Variants in KMT2B observed in about 807,000 individuals in gnomAD.
KMT2B encodes lysine methyltransferase 2B, also known as histone-lysine N-methyltransferase 2B.
KMT2B carries 22 observed loss-of-function variants against 255.3 expected under a neutral mutation model. The ratio of observed to expected loss-of-function variants is 0.09; its 90% CI spans 0.06 to 0.12. The LOEUF is 0.12. Among genes scored for constraint, KMT2B ranks in the 10% least tolerant of loss-of-function variants. The pLI, the probability that KMT2B is intolerant of heterozygous loss-of-function variation, is 1.00. For synonymous variants in KMT2B, 1,730 were observed against 1,498.1 expected (o/e 1.15, Z -3.57); for missense variants, 3,149 against 3,737.0 (o/e 0.84, Z 4.10).
At position 35,719,863 on chromosome 19, in the gene KMT2B, C is replaced by T. The variant is rs757174972; in HGVS notation, c.516C>T (p.Thr172=). 3 of 1,613,134 alleles carry T rather than the reference C, an allele frequency of 1.9e-6. No individual in the cohort carries two copies. The highest frequency in any genetic ancestry group is 1.1e-5 in the South Asian group (1 of 91,080). ...PPPRLADVAP[T]PPKTPARKRG... ...CTCGCCTAGCAGATGTGGCTCCTAC[C>T]CCCCCAAAGACCCCTGCCCGGAAAC... Residue 172 remains threonine, a synonymous_variant, in exon 3 of 37, where the codon ACC becomes ACT. Coordinates refer to ENST00000420124, the MANE Select transcript of KMT2B (RefSeq NM_014727.3).
In KMT2B at chr19:35,720,719, C is replaced by A; in HGVS notation, c.1372C>A (p.Pro458Thr). The change falls in exon 3 of 37, where the codon CCT becomes ACT. Residue 458 changes from proline to threonine, a missense_variant. Pro to Thr is a conservative substitution (Grantham distance 38, BLOSUM62 -1). This residue lies in a region of KMT2B where 1,188 missense variants were observed against 1,106.4 expected (regional missense o/e 1.07). Coordinates refer to ENST00000420124, the MANE Select transcript of KMT2B (RefSeq NM_014727.3). ...PAQEEQEESP[P>T]PVVPATCSRK... The stretch of plus-strand genomic sequence containing the variant: ...CCAAGAGGAGCAGGAGGAATCCCCT[C>A]CTCCTGTGGTCCCAGCTACGTGCTC... 6.8e-7 allele frequency: 1 copy of A among 1,476,490 alleles called. No individual in the cohort carries two copies. 91.5% of individuals were successfully genotyped at this position (1,476,490 alleles called of 1,614,324 possible). A position where few individuals can be genotyped will look rare whatever the true frequency, so the allele number is the denominator to read the frequency against.
rs1970016666 is a variant in KMT2B at position 35,738,658 on chromosome 19, C to A, written c.*101C>A. ...CCTAGCCCCTCCCAGAGCATCTCAC[C>A]CCCACCCTCATGTTCAGGGTGGATG... On this transcript the variant is annotated 3_prime_UTR_variant, in exon 37 of 37. Transcript: ENST00000420124. This position sits in a 1 kb window ranked among gnomAD's most constrained non-coding sequence, Gnocchi z 8.7. The A allele has an allele frequency of 7.6e-7, 1 of 1,324,050 alleles. No individual in the cohort carries two copies. The highest frequency in any genetic ancestry group is 1.5e-5 in the African/African-American group (1 of 68,452). The allele number at this position is 1,324,050 out of a possible 1,614,324, so 82.0% of individuals were successfully genotyped here. A position where few individuals can be genotyped will look rare whatever the true frequency, so the allele number is the denominator to read the frequency against.
intron 23 of KMT2B, 45 bp downstream of exon 23, chr19:35,730,170 T>C: frequency 6.2e-6 from 10 of 1,610,944 alleles, no homozygotes; most frequent in Non-Finnish European, 8.5e-6. Context: ...CCACCTCTCT[T>C]CCTGTTCACT....
In KMT2B at chr19:35,727,746, G is replaced by T. The variant is rs747275218; in HGVS notation, c.4351G>T (p.Ala1451Ser). 2 of 1,613,874 alleles carry T rather than the reference G, an allele frequency of 1.2e-6. No individual in the cohort carries two copies. The highest frequency in any genetic ancestry group is 1.7e-6 in the Non-Finnish European group (2 of 1,179,892). Residue 1451 changes from alanine to serine, a missense_variant, in exon 17 of 37, where the codon GCT (alanine) becomes TCT (serine). Coordinates refer to ENST00000420124, the MANE Select transcript of KMT2B (RefSeq NM_014727.3). The surrounding 1 kb of genome is among the most constrained non-coding windows in gnomAD (Gnocchi z 4.2). ...QLHPGPCGLQ[A>S]VSQRFEDGHY... is the part of the protein sequence containing the mutation. ...GCACCCAGGACCCTGCGGCCTGCAAGCTGTGAGTCAGCGCTTCGAGGATGG... is the reference window on the plus strand; with the variant it reads ...GCACCCAGGACCCTGCGGCCTGCAATCTGTGAGTCAGCGCTTCGAGGATGG...
In KMT2B at chr19:35,719,457, C is replaced by T; in HGVS notation, c.364-12C>T. On this transcript the variant is annotated splice_polypyrimidine_tract_variant and intron_variant, in intron 1 of 36. Coordinates refer to ENST00000420124, the MANE Select transcript of KMT2B (RefSeq NM_014727.3). Reference sequence around the variant, plus strand: ...TGCTGTTTCTCCCCTCCACCCCGGTCCCCTAAATCAGGAGTTTCAGGGTTT... The same window carrying T: ...TGCTGTTTCTCCCCTCCACCCCGGTTCCCTAAATCAGGAGTTTCAGGGTTT... 1 of 1,570,154 alleles carries T rather than the reference C, an allele frequency of 6.4e-7. No individual in the cohort carries two copies. Among genetic ancestry groups the T allele is most frequent in the Non-Finnish European group, 8.6e-7 (1 of 1,156,810 alleles).
chr19:35,737,680 G>A lies in KMT2B; in HGVS notation c.7595G>A (p.Arg2532Gln). 6.3e-7 allele frequency: 1 copy of A among 1,579,186 alleles called. No individual in the cohort carries two copies. The highest frequency in any genetic ancestry group is 1.8e-5 in the Admixed American group (1 of 54,736). The change falls in exon 34 of 37, where the codon CGG becomes CAG. Residue 2532 changes from arginine (R) to glutamine (Q), a missense_variant. By Grantham distance (43) the Arg-to-Gln change is conservative (BLOSUM62 1). This residue lies in a region of KMT2B where 103 missense variants were observed against 200.7 expected (regional missense o/e 0.51). Transcript: ENST00000420124. This position sits in a 1 kb window ranked among gnomAD's most constrained non-coding sequence, Gnocchi z 5.3. ...TTCAACTTCCTGGCCTCCCAGCACCGGGTGCTCCCTGAGGGGGCCACCTGT... is the reference window on the plus strand; with the variant it reads ...TTCAACTTCCTGGCCTCCCAGCACCAGGTGCTCCCTGAGGGGGCCACCTGT... ...DMFNFLASQH[R>Q]VLPEGATCDE... is the part of the protein sequence containing the mutation.
Position 35,736,893 on chromosome 19 carries a change from G to A in KMT2B, c.7298-19G>A. Reference sequence around the variant, plus strand: ...TAAAACACCATCCTGACTCAGCTCTGGCTCTGCTGTCTCCCCAGGGGCGTG... The same window carrying A: ...TAAAACACCATCCTGACTCAGCTCTAGCTCTGCTGTCTCCCCAGGGGCGTG... On this transcript the variant is annotated intron_variant, in intron 31 of 36. Transcript: ENST00000420124. 1 of 1,613,936 alleles carries A rather than the reference G, an allele frequency of 6.2e-7. No homozygotes were observed. The highest frequency in any genetic ancestry group is 8.5e-7 in the Non-Finnish European group (1 of 1,179,872).
Position 35,723,799 on chromosome 19 carries a change from T to C in KMT2B, c.3126T>C (p.Pro1042=). The change falls in exon 8 of 37, where the codon CCT becomes CCC. Residue 1042 remains proline, a synonymous_variant. Transcript: ENST00000420124. The surrounding 1 kb of genome is among the most constrained non-coding windows in gnomAD (Gnocchi z 7.5). The stretch of plus-strand genomic sequence containing the variant: ...AATCTCCTGAGGCCTCCCCTGGTCC[T>C]CCAGGCCCACGCCGGGGGGCGGGAG... ...SDESPEASPG[P]PGPRRGAGAG... The C allele has an allele frequency of 6.3e-7, 1 of 1,592,698 alleles. No homozygotes were observed. The highest frequency in any genetic ancestry group is 8.6e-7 in the Non-Finnish European group (1 of 1,168,640).
In KMT2B at chr19:35,728,792, G is replaced by C; in HGVS notation, c.4590G>C (p.Ala1530=). 1 of 1,613,848 alleles carries C rather than the reference G, an allele frequency of 6.2e-7. No individual in the cohort carries two copies. Among genetic ancestry groups the C allele is most frequent in the Non-Finnish European group, 8.5e-7 (1 of 1,179,814 alleles). The stretch of plus-strand genomic sequence containing the variant: ...TCCACAGCGGAGTCCTTCCCAATGC[G>C]GTGTTGCCCCCATCCCTGGATCATG... ...TRLPNGVLPN[A]VLPPSLDHVY... Residue 1530 remains alanine, a synonymous_variant, in exon 20 of 37, where the codon GCG becomes GCC. Transcript: ENST00000420124.
chr19:35,723,191 A>C lies in KMT2B; in HGVS notation c.2919A>C (p.Leu973=), dbSNP rs749800156. ...GATGTGGACACTGTCGGGGCTGCCTACGTGTGCAGGACTGTGGGTCCTGTG... is the reference window on the plus strand; with the variant it reads ...GATGTGGACACTGTCGGGGCTGCCTCCGTGTGCAGGACTGTGGGTCCTGTG... ...MARCGHCRGC[L]RVQDCGSCVN... is the part of the protein sequence containing the mutation. Residue 973 remains leucine, a synonymous_variant, in exon 6 of 37, where the codon CTA becomes CTC. Transcript: ENST00000420124. The surrounding 1 kb of genome is among the most constrained non-coding windows in gnomAD (Gnocchi z 7.5). 1.2e-6 allele frequency: 2 copies of C among 1,613,218 alleles called. No homozygotes were observed. Among genetic ancestry groups the C allele is most frequent in the Non-Finnish European group, 1.7e-6 (2 of 1,179,858 alleles).
In KMT2B at chr19:35,725,588, T is replaced by C; in HGVS notation, c.3752T>C (p.Phe1251Ser). The C allele has an allele frequency of 6.2e-7, 1 of 1,610,338 alleles. No individual in the cohort carries two copies. Among genetic ancestry groups the C allele is most frequent in the Non-Finnish European group, 8.5e-7 (1 of 1,179,864 alleles). ...HDTWCCRRCK[F>S]CHVCGRKGRG... ...ACCTGGTGCTGCCGTCGCTGCAAAT[T>C]CTGCCACGTCTGTGGACGCAAAGGT... The change falls in exon 12 of 37, where the codon TTC becomes TCC. Residue 1251 changes from phenylalanine to serine, a missense_variant. Around this residue, in one of 18 missense-constraint regions of KMT2B, gnomAD observed 377 missense variants for 471.0 expected, o/e 0.80. Transcript: ENST00000420124. This position sits in a 1 kb window ranked among gnomAD's most constrained non-coding sequence, Gnocchi z 4.1.
chr19:35,727,349 T>C lies in KMT2B; in HGVS notation c.4117+80T>C. ...CCACCACAGGCCCCAAGAGGACTGG[T>C]GGGCTAAGGGTCCTTGCTGGCCTAG... On this transcript the variant is annotated intron_variant, in intron 15 of 36. Coordinates refer to ENST00000420124, the MANE Select transcript of KMT2B (RefSeq NM_014727.3). The surrounding 1 kb of genome is among the most constrained non-coding windows in gnomAD (Gnocchi z 4.2). 6.3e-7 allele frequency: 1 copy of C among 1,576,036 alleles called. No individual in the cohort carries two copies. Among genetic ancestry groups the C allele is most frequent in the Non-Finnish European group, 8.7e-7 (1 of 1,146,238 alleles).
Position 35,719,539 on chromosome 19 carries a change from G to C in KMT2B, c.434G>C (p.Arg145Pro), listed in dbSNP as rs868239007. 1 of 1,587,372 alleles carries C rather than the reference G, an allele frequency of 6.3e-7. No homozygotes were observed. Among genetic ancestry groups the C allele is most frequent in the Non-Finnish European group, 8.6e-7 (1 of 1,166,832 alleles). Residue 145 changes from arginine to proline, a missense_variant and splice_region_variant, in exon 2 of 37, where the codon CGA (arginine) becomes CCA (proline). Transcript: ENST00000420124. ...SSLRSALRSQ[R>P]GRAPRGRGRK... ...CTGCGCTCTGCGCTCCGATCCCAGC[G>C]AGGTGAGTGACGGGGGAACTCCACC...
chr19:35,732,992 C>T lies in KMT2B; in HGVS notation c.6443C>T (p.Pro2148Leu). ...PAPPLANGSQ[P>L]SQGLTASPAD... ...CCTCCCCTGGCTAATGGCAGCCAGC[C>T]CTCCCAAGGCCTGACCGCCAGCCCA... The change falls in exon 28 of 37, where the codon CCC (proline) becomes CTC (leucine). Residue 2148 changes from proline to leucine, a missense_variant. This residue lies in a region of KMT2B where 897 missense variants were observed against 825.3 expected (regional missense o/e 1.09). Coordinates refer to ENST00000420124, the MANE Select transcript of KMT2B (RefSeq NM_014727.3). The T allele has an allele frequency of 6.3e-7, 1 of 1,599,440 alleles. No homozygotes were observed.
intron 8 of KMT2B, among the ~76,000 whole-genome samples, chr19:35,724,359 G>A (rs1260721916): frequency 6.6e-6 from 1 of 152,170 alleles, no homozygotes; most frequent in Non-Finnish European, 1.5e-5. Context: ...TTAGTTGTAT[G>A]TGGTGGCACG....
Position 35,733,314 on chromosome 19 carries a change from G to GCCCCCC in KMT2B, c.6767_6768insCCCCCC (p.Pro2258_Pro2259dup). 1 of 480,376 alleles carries GCCCCCC rather than the reference G, an allele frequency of 2.1e-6. No individual in the cohort carries two copies. Among genetic ancestry groups the GCCCCCC allele is most frequent in the African/African-American group, 3.2e-5 (1 of 31,722 alleles). 29.8% of individuals were successfully genotyped at this position (480,376 alleles called of 1,614,324 possible). On this transcript the variant is annotated inframe_insertion, in exon 28 of 37. Transcript: ENST00000420124. This position sits in a 1 kb window ranked among gnomAD's most constrained non-coding sequence, Gnocchi z 4.3. ...GAGTGGTCCGCCCTGCCCCGCCCCC[G>GCCCCCC]CCACCCCCTCCCCTGACGCTGGTGC...
rs1969371609 is a variant in KMT2B at position 35,724,874 on chromosome 19, C to CA, written c.3430-112dup. The CA allele has an allele frequency of 7.5e-6, 7 of 932,642 alleles. No individual in the cohort carries two copies. The South Asian group carries it at 1.3e-4, about 17-fold the overall frequency. The allele number at this position is 932,642 out of a possible 1,614,324, so 57.8% of individuals were successfully genotyped here. A position where few individuals can be genotyped will look rare whatever the true frequency, so the allele number is the denominator to read the frequency against. On this transcript the variant is annotated intron_variant, in intron 9 of 36. Transcript: ENST00000420124. ...AGGCGGGCCTTGCCTGTCTGGAAAG[C>CA]AAAGGGGTCTGGATCAGGGTCTGGG...
chr19:35,719,043 G>GC (rs1291992549), intron 1 of KMT2B, among the ~76,000 whole-genome samples: 1 of 152,124 alleles, frequency 6.6e-6, no homozygotes, highest in African/African-American at 2.4e-5. Context: ...GCCATCTGAT[G>GC]CCCTCCCCGC....
chr19:35,738,756 G>C lies in KMT2B; in HGVS notation c.*199G>C. The C allele has an allele frequency of 6.5e-6, 4 of 613,924 alleles. No homozygotes were observed. Among genetic ancestry groups the C allele is most frequent in the Non-Finnish European group, 1.1e-5 (4 of 352,190 alleles). 38.0% of individuals were successfully genotyped at this position (613,924 alleles called of 1,614,324 possible). On this transcript the variant is annotated 3_prime_UTR_variant, in exon 37 of 37. Coordinates refer to ENST00000420124, the MANE Select transcript of KMT2B (RefSeq NM_014727.3). The surrounding 1 kb of genome is among the most constrained non-coding windows in gnomAD (Gnocchi z 8.7). ...CAGCAATCGCCCCCTTTCTGCCCTG[G>C]GGGCCCAGGATGTAGATATTGTACA...
Sources: gnomAD v4.1 joint callset for allele counts (sites outside exome capture counted in the v4.1 genomes callset) on GRCh38, gnomAD v4.1.1 for gene constraint, gnomAD v4.1.1 regional missense constraint, Gnocchi (gnomAD v3.1) non-coding constraint, MANE v1.5 for transcripts, NCBI Gene and HGNC (gene_info 2026-07-23, HGNC 2026-07-21) for gene names.